PCDHA1: variants seen among roughly 807,000 people sequenced by gnomAD.
PCDHA1 encodes protocadherin alpha-1.
A neutral mutation model predicts 61.3 loss-of-function variants in PCDHA1; 42 were observed. The observed-to-expected ratio is 0.69, with a 90% CI of 0.54 to 0.89. PCDHA1 has a LOEUF of 0.89. PCDHA1 is among the 40% of genes least tolerant of loss of function. The pLI is 0.00. For missense variants in PCDHA1, 1,256 were observed against 1,235.3 expected (o/e 1.02, Z -0.25); for synonymous variants, 610 against 553.8 (o/e 1.10, Z -1.43).
intron 1 of PCDHA1, chr5:140,805,383 C>G (rs1554123353): frequency 9.0e-7 from 1 of 1,109,208 alleles, no homozygotes; most frequent in Non-Finnish European, 1.1e-6. Context: ...TGAAAGTACT[C>G]TGGTTTCTGT....
intron 2 of PCDHA1, chr5:140,982,229 A>C (rs2096972091): frequency 3.2e-6 from 2 of 616,470 alleles, no homozygotes. Context: ...TTAATAAAAA[A>C]CAGAATTGCC....
intron 1 of PCDHA1, chr5:140,823,479 A>G (rs2150065816): frequency 6.2e-7 from 1 of 1,613,312 alleles, no homozygotes; most frequent in Non-Finnish European, 8.5e-7. Context: ...TGGTGCCTCG[A>G]GTGGGTGGCA....
rs2150174166 is a variant in PCDHA1, at chr5:140,829,768, C to A, written c.2394+41084C>A. ...TGCAGGTGTTCGTGCTGGACGAGAACGACAACGCGCCGGCGCTGCTGGCGC... is the reference window on the plus strand; with the variant it reads ...TGCAGGTGTTCGTGCTGGACGAGAAAGACAACGCGCCGGCGCTGCTGGCGC... On this transcript the variant is annotated intron_variant, in intron 1 of 3. Transcript: ENST00000504120. The A allele has an allele frequency of 3.1e-6, 5 of 1,613,766 alleles. No homozygotes were observed. The East Asian group carries it at 6.7e-5, about 22-fold the overall frequency.
intron 1 of PCDHA1, among the ~76,000 whole-genome samples, chr5:140,944,072 A>C (rs868935645): frequency 6.6e-6 from 1 of 152,218 alleles, no homozygotes; most frequent in Non-Finnish European, 1.5e-5. Context: ...CTTGTTAAAG[A>C]TAAAGGAGGC....
chr5:140,912,322 G>A (rs1050946341), intron 1 of PCDHA1, among the ~76,000 whole-genome samples: 10 of 149,938 alleles, frequency 6.7e-5, no homozygotes, highest in African/African-American at 1.7e-4. Flanking sequence ...TTGACCCTCA[G>A]TATTAACCAG....
At chr5:140,825,416 A>C (rs1275589572) in intron 1 of PCDHA1, 1 of 147,362 alleles carries the variant, frequency 6.8e-6, no homozygotes. Flanking sequence ...ATTTTATATA[A>C]TATATATAAT....
At chr5:140,992,805 A>G (rs2097529327) in intron 3 of PCDHA1, among the ~76,000 whole-genome samples, 1 of 152,078 alleles carries the variant, frequency 6.6e-6, no homozygotes, top group Non-Finnish European at 1.5e-5. Flanking sequence ...ATCCATATGT[A>G]TCTAAGGATG....
chr5:140,829,348 G>T, intron 1 of PCDHA1: 4 of 1,614,236 alleles, frequency 2.5e-6, no homozygotes, highest in Non-Finnish European at 2.5e-6. Context: ...AGAGCGTGTC[G>T]GCCTATGAGT....
At chr5:140,935,104 A>C (rs1233919640) in intron 1 of PCDHA1, among the ~76,000 whole-genome samples, 1 of 152,126 alleles carries the variant, frequency 6.6e-6, no homozygotes, top group South Asian at 2.1e-4. Flanking sequence ...GCCATTTTTC[A>C]AAGAGCTTTC....
At chr5:140,885,179 C>T (rs972760379) in intron 1 of PCDHA1, among the ~76,000 whole-genome samples, 37 of 152,232 alleles carry the variant, frequency 2.4e-4, no homozygotes, top group African/African-American at 8.9e-4. Flanking sequence ...CCTCTAGGCA[C>T]ATCAGTGTTC....
intron 1 of PCDHA1, among the ~76,000 whole-genome samples, chr5:140,897,045 C>T (rs1362151452): frequency 3.3e-5 from 5 of 152,090 alleles, no homozygotes; most frequent in African/African-American, 9.7e-5. Context: ...TCACCCTATT[C>T]TGCTGTCAAA....
rs2150367479 is a variant in PCDHA1, at chr5:140,843,905, G to A, written c.2394+55221G>A. 8 of 645,878 alleles carry A rather than the reference G, an allele frequency of 1.2e-5. 1 individual carries two copies. Among genetic ancestry groups the A allele is most frequent in the African/African-American group, 1.8e-5 (1 of 54,098 alleles). 40.0% of individuals were successfully genotyped at this position (645,878 alleles called of 1,614,324 possible). ...ATACAGTATTAATCATTCTCCACAA[G>A]TTGGGTCTATCTTGAAACTCAAGTT... On this transcript the variant is annotated intron_variant, in intron 1 of 3. Coordinates refer to ENST00000504120, the MANE Select transcript of PCDHA1 (RefSeq NM_018900.4).
chr5:140,843,246 C>G (rs1554139882), intron 1 of PCDHA1: 9 of 1,595,918 alleles, frequency 5.6e-6, no homozygotes, highest in Middle Eastern at 1.7e-4. Flanking sequence ...GAAGCGGACT[C>G]TCCGCGCCAC....
At chr5:140,919,525 T>G (rs2079174631) in intron 1 of PCDHA1, among the ~76,000 whole-genome samples, 1 of 152,196 alleles carries the variant, frequency 6.6e-6, no homozygotes, top group Non-Finnish European at 1.5e-5. Context: ...TAATTCTCTT[T>G]TTTTCCTATA....
intron 1 of PCDHA1, among the ~76,000 whole-genome samples, chr5:140,978,103 A>G (rs2096789005): frequency 6.6e-6 from 1 of 152,106 alleles, no homozygotes; most frequent in South Asian, 2.1e-4. Flanking sequence ...AACTCCCCCA[A>G]CAGTCTTTAA....
At chr5:140,877,798 CT>C (rs782663782) in intron 1 of PCDHA1, 1 of 1,613,568 alleles carries the variant, frequency 6.2e-7, no homozygotes, top group Non-Finnish European at 8.5e-7. Context: ...CAGCCCAAGC[CT>C]TCAGCTGTCT....
chr5:140,837,271 C>T (rs1199620898), intron 1 of PCDHA1: 1 of 152,090 alleles, frequency 6.6e-6, no homozygotes, highest in African/African-American at 2.4e-5. Context: ...TTGTGTAGCA[C>T]TGACTTCTTT....
At chr5:140,899,175 C>G (rs1219166721) in intron 1 of PCDHA1, among the ~76,000 whole-genome samples, 2 of 152,034 alleles carry the variant, frequency 1.3e-5, no homozygotes, top group African/African-American at 4.8e-5. Flanking sequence ...AATTGAATAC[C>G]CTTTATTTCC....
At chr5:140,836,589 A>G in intron 1 of PCDHA1, 2 of 1,613,682 alleles carry the variant, frequency 1.2e-6, no homozygotes. Context: ...TAGTTTGGTA[A>G]AGCCCACTCT....
Sources: gnomAD v4.1 joint callset for allele counts (sites outside exome capture counted in the v4.1 genomes callset) on GRCh38, gnomAD v4.1.1 for gene constraint, MANE v1.5 for transcripts, NCBI Gene and HGNC (gene_info 2026-07-23, HGNC 2026-07-21) for gene names.